SPTLC1: variants seen among roughly 807,000 people sequenced by gnomAD.
The protein encoded by SPTLC1 is serine palmitoyltransferase long chain base subunit 1.
In SPTLC1, 55 loss-of-function variants were observed where a neutral mutation model predicts 68.9. The ratio of observed to expected loss-of-function variants is 0.80; its 90% CI spans 0.64 to 1.00. The LOEUF (loss-of-function observed/expected upper bound fraction) is 1.00. SPTLC1 is among the 50% of genes least tolerant of loss of function. The pLI is 0.00. For missense variants in SPTLC1, 449 were observed against 573.1 expected (o/e 0.78, Z 2.21); for synonymous variants, 197 against 201.6 (o/e 0.98, Z 0.19).
intron 3 of SPTLC1, among the ~76,000 whole-genome samples, chr9:92,094,635 C>G (rs1267812222): frequency 6.6e-6 from 1 of 152,208 alleles, no homozygotes. Flanking sequence ...AGTTCTGATG[C>G]TGCAACTTTC....
intron 5 of SPTLC1, chr9:92,078,966 T>C (rs1834778001): frequency 1.2e-6 from 1 of 815,110 alleles, no homozygotes; most frequent in Non-Finnish European, 1.5e-6. Context: ...GATCCAGAAA[T>C]GGAAACAAGG....
At chr9:92,032,615 C>T (rs575360164) in intron 14 of SPTLC1, 57 bp from the exon 15 acceptor site, 21 of 1,609,704 alleles carry the variant, frequency 1.3e-5, no homozygotes, top group Admixed American at 1.2e-4. Context: ...CAGTGGCTCA[C>T]GCCTGTAATC....
intron 3 of SPTLC1, among the ~76,000 whole-genome samples, chr9:92,087,425 T>G (rs1177291343): frequency 1.3e-5 from 2 of 152,234 alleles, no homozygotes; most frequent in Non-Finnish European, 2.9e-5. Context: ...GTTTTTGGTG[T>G]GCATGTCCTT....
At chr9:92,037,674 T>C (rs955845881) in intron 13 of SPTLC1, among the ~76,000 whole-genome samples, 1 of 152,194 alleles carries the variant, frequency 6.6e-6, no homozygotes, top group Non-Finnish European at 1.5e-5. Flanking sequence ...TGGTGATGTG[T>C]TTCTTAGACA....
At chr9:92,079,749 C>A in intron 5 of SPTLC1, 1 of 671,096 alleles carries the variant, frequency 1.5e-6, no homozygotes. Flanking sequence ...AAGAGTACTG[C>A]TGCTCTGCAC....
At chr9:92,038,465 G>C (rs1564081070) in intron 12 of SPTLC1, 100 bp from the exon 13 acceptor site, 1 of 829,846 alleles carries the variant, frequency 1.2e-6, no homozygotes, top group East Asian at 2.4e-5. Context: ...AAGGCACAGT[G>C]AACGTACAGA....
chr9:92,032,544 A>C lies in SPTLC1; in HGVS notation c.1343T>G (p.Val448Gly). 4.3e-6 allele frequency: 7 copies of C among 1,614,116 alleles called. No individual in the cohort carries two copies. The highest frequency in any genetic ancestry group is 5.9e-6 in the Non-Finnish European group (7 of 1,180,022). Reference sequence around the variant, plus strand: ...TTCTTCCTCTGTTTGTTCCACCGTGACCACAACCCGAATGCTGAGAACAGT... The same window carrying C: ...TTCTTCCTCTGTTTGTTCCACCGTGCCCACAACCCGAATGCTGAGAACAGT... ...CLPPPSIRVV[V>G]TVEQTEEELE... Residue 448 changes from valine (V) to glycine (G), a missense_variant, in exon 15 of 15, where the codon GTC becomes GGC. Coordinates refer to ENST00000262554, the MANE Select transcript of SPTLC1 (RefSeq NM_006415.4).
chr9:92,095,877 C>T (rs1835510465), intron 3 of SPTLC1, among the ~76,000 whole-genome samples: 1 of 152,200 alleles, frequency 6.6e-6, no homozygotes, highest in African/African-American at 2.4e-5. Flanking sequence ...GCACCAGCTT[C>T]CATTAAACAC....
At position 92,082,447 on chromosome 9, in the gene SPTLC1, T is replaced by C. The variant is rs561022088; in HGVS notation, c.261-1484A>G. Among the ~76,000 whole-genome samples the C allele has an allele frequency of 4.9e-4, 68 of 140,142 alleles. No individual in the cohort carries two copies. In the South Asian group the frequency reaches 9.0e-3, roughly 19 times the overall value. The allele number at this position is 140,142 out of a possible 152,430, so 91.9% of individuals were successfully genotyped here. The stretch of plus-strand genomic sequence containing the variant: ...ATGTTCCCCTTCCTGTGTCCATGTG[T>C]TCTCAGTGTTCAATTCCCACCTATG... On this transcript the variant is annotated intron_variant, in intron 3 of 14. Coordinates refer to ENST00000262554, the MANE Select transcript of SPTLC1 (RefSeq NM_006415.4).
chr9:92,067,192 A>C (rs7865994), intron 6 of SPTLC1, among the ~76,000 whole-genome samples: 1 of 150,806 alleles, frequency 6.6e-6, no homozygotes, highest in African/African-American at 2.4e-5. Flanking sequence ...CCAGCTACTC[A>C]GGAGACTGAG....
At chr9:92,108,054 G>T (rs537549493) in intron 3 of SPTLC1, 95 of 152,360 alleles carry the variant, frequency 6.2e-4, no homozygotes, top group African/African-American at 2.3e-3. Flanking sequence ...AGATGCATTT[G>T]TAATATTGTA....
At chr9:92,045,570 TTG>T (rs138231787) in intron 12 of SPTLC1, among the ~76,000 whole-genome samples, 258 of 145,174 alleles carry the variant, frequency 1.8e-3, no homozygotes, top group African/African-American at 6.2e-3. Flanking sequence ...AAAATTTCAC[TTG>T]TTTCTTTTTC....
At chr9:92,094,685 A>C (rs1264181065) in intron 3 of SPTLC1, among the ~76,000 whole-genome samples, 1 of 152,222 alleles carries the variant, frequency 6.6e-6, no homozygotes, top group Admixed American at 6.5e-5. Context: ...CCTTCCAATT[A>C]AATCACATGT....
In SPTLC1 at chr9:92,046,304, G is replaced by C; in HGVS notation, c.1082-251C>G. On this transcript the variant is annotated intron_variant, in intron 11 of 14. Transcript: ENST00000262554. ...AATGATGCTTTCAAGAACAATCAAT[G>C]CCTCTTGTTCTCATCAAGATCCTAA... 4 of 543,220 alleles carry C rather than the reference G, an allele frequency of 7.4e-6. No homozygotes were observed. In the East Asian group the frequency reaches 1.3e-4, roughly 17 times the overall value. 33.6% of individuals were successfully genotyped at this position (543,220 alleles called of 1,614,324 possible).
At chr9:92,112,615 G>C in intron 1 of SPTLC1, 53 bp from the exon 2 acceptor site, 1 of 1,207,112 alleles carries the variant, frequency 8.3e-7, no homozygotes, top group Non-Finnish European at 1.2e-6. Flanking sequence ...TCTAACACCT[G>C]CACATAAAAT....
chr9:92,095,807 A>C (rs1036892609), intron 3 of SPTLC1, among the ~76,000 whole-genome samples: 1 of 152,208 alleles, frequency 6.6e-6, no homozygotes, highest in African/African-American at 2.4e-5. Flanking sequence ...AGAGAAAGGC[A>C]AGCCTAGGCC....
intron 3 of SPTLC1, among the ~76,000 whole-genome samples, chr9:92,105,882 G>A (rs1177662556): frequency 1.1e-4 from 15 of 134,820 alleles, no homozygotes; most frequent in East Asian, 7.2e-4. Flanking sequence ...CTGCCTTGCC[G>A]CCGTCCTGTC....
At chr9:92,087,189 T>A (rs1441043723) in intron 3 of SPTLC1, among the ~76,000 whole-genome samples, 12 of 152,212 alleles carry the variant, frequency 7.9e-5, no homozygotes, top group Admixed American at 2.6e-4. Flanking sequence ...TTGGTTTGAA[T>A]TTCCTCCTGT....
intron 5 of SPTLC1, among the ~76,000 whole-genome samples, chr9:92,070,524 G>A (rs1234298753): frequency 6.6e-6 from 1 of 152,174 alleles, no homozygotes; most frequent in Non-Finnish European, 1.5e-5. Context: ...ACACCTCACA[G>A]CCCTCAGCAC....
Sources: allele counts gnomAD v4.1 joint callset (sites outside exome capture counted in the v4.1 genomes callset), GRCh38; gene constraint gnomAD v4.1.1; transcripts MANE v1.5; gene names NCBI Gene and HGNC (gene_info 2026-07-23, HGNC 2026-07-21).